Variants in CLASP2 observed in about 807,000 individuals in gnomAD.
The protein encoded by CLASP2 is cytoplasmic linker associated protein 2.
In CLASP2, 47 loss-of-function variants were observed where a neutral mutation model predicts 194.4. The ratio of observed to expected loss-of-function variants is 0.24; its 90% CI spans 0.19 to 0.31. CLASP2 has a LOEUF of 0.31. CLASP2 is among the 10% of genes least tolerant of loss of function. CLASP2 has a pLI of 1.00. For synonymous variants in CLASP2, 619 were observed against 633.5 expected (o/e 0.98, Z 0.34); for missense variants, 1,445 against 1,823.6 (o/e 0.79, Z 3.78).
rs1426395168 is a variant in CLASP2 at position 33,609,008 on chromosome 3, T to C, written c.1389-382A>G. On this transcript the variant is annotated intron_variant, in intron 13 of 38. Coordinates refer to ENST00000682230, the MANE Select transcript of CLASP2 (RefSeq NM_001365631.1). ...AAATATAAACCTTAAGGCTGGGCGT[T>C]GTGGTTCATGCCTGTAATCTCAGCA... Among the ~76,000 whole-genome samples, 3 of 152,118 alleles carry C rather than the reference T, an allele frequency of 2.0e-5. No individual in the cohort carries two copies. The East Asian group carries it at 5.8e-4, about 29-fold the overall frequency.
chr3:33,503,285 T>G (rs1291960667), intron 37 of CLASP2: 1 of 152,162 alleles, frequency 6.6e-6, no homozygotes, highest in Non-Finnish European at 1.5e-5. Flanking sequence ...TTGGGTTGTT[T>G]TCACCTTTTG....
At chr3:33,585,007 T>C in intron 21 of CLASP2, 87 bp from the exon 22 acceptor site, 1 of 1,197,874 alleles carries the variant, frequency 8.3e-7, no homozygotes, top group Non-Finnish European at 1.2e-6. Context: ...ATATTGATAA[T>C]ACAGAGAAAA....
intron 16 of CLASP2, among the ~76,000 whole-genome samples, chr3:33,604,628 C>T (rs530301925): frequency 7.9e-5 from 12 of 152,218 alleles, no homozygotes; most frequent in African/African-American, 2.9e-4. Flanking sequence ...GCTGGTACTT[C>T]CAATTTGAAT....
chr3:33,593,971 A>G (rs1353432190), intron 20 of CLASP2, among the ~76,000 whole-genome samples: 1 of 152,112 alleles, frequency 6.6e-6, no homozygotes, highest in Non-Finnish European at 1.5e-5. Flanking sequence ...AGCCTCCAGA[A>G]TAGGTGGGAC....
chr3:33,668,265 G>A (rs967949737), intron 6 of CLASP2, among the ~76,000 whole-genome samples: 1 of 152,138 alleles, frequency 6.6e-6, no homozygotes, highest in Non-Finnish European at 1.5e-5. Context: ...ATGTCTTTAT[G>A]AACCATACTT....
At chr3:33,650,349 A>G (rs910680004) in intron 7 of CLASP2, among the ~76,000 whole-genome samples, 9 of 152,262 alleles carry the variant, frequency 5.9e-5, no homozygotes, top group African/African-American at 1.7e-4. Context: ...AAACAAAAGA[A>G]GAATTAAACA....
intron 6 of CLASP2, among the ~76,000 whole-genome samples, chr3:33,683,931 CAAAAAAAAAA>C (rs35349805): frequency 3.8e-5 from 3 of 78,890 alleles, no homozygotes; most frequent in African/African-American, 1.5e-4. Context: ...GACTCTGTCT[CAAAAAAAAAA>C]AAAAAAAAAA....
chr3:33,507,602 C>T (rs2048627564), intron 37 of CLASP2, among the ~76,000 whole-genome samples: 2 of 151,990 alleles, frequency 1.3e-5, no homozygotes, highest in Non-Finnish European at 2.9e-5. Flanking sequence ...CCACTTCAGC[C>T]CCCCAAGTAG....
intron 29 of CLASP2, 170 bp downstream of exon 29, chr3:33,559,137 A>G (rs978731813): frequency 1.2e-5 from 8 of 695,238 alleles, no homozygotes; most frequent in Admixed American, 1.0e-4. Flanking sequence ...TGGAGCTCCA[A>G]AAAGAGTGAA....
At chr3:33,603,899 C>T (rs747797633) in intron 17 of CLASP2, among the ~76,000 whole-genome samples, 16 of 152,090 alleles carry the variant, frequency 1.1e-4, no homozygotes, top group Non-Finnish European at 1.5e-4. Context: ...CAACTGAGTG[C>T]GTCATGAGAA....
Position 33,538,773 on chromosome 3 carries a change from A to G in CLASP2, c.3558+16T>C. On this transcript the variant is annotated intron_variant, in intron 33 of 38. Transcript: ENST00000682230. The stretch of plus-strand genomic sequence containing the variant: ...CAATAAAATAGTCTGGAAAGTAAGG[A>G]TATTAAAATACTTACTGAATCGCCA... 6.5e-7 allele frequency: 1 copy of G among 1,539,250 alleles called. No individual in the cohort carries two copies. The highest frequency in any genetic ancestry group is 8.7e-7 in the Non-Finnish European group (1 of 1,144,272).
intron 5 of CLASP2, among the ~76,000 whole-genome samples, chr3:33,685,392 A>G (rs1206621622): frequency 6.7e-6 from 1 of 150,048 alleles, no homozygotes; most frequent in Non-Finnish European, 1.5e-5. Flanking sequence ...AAGATTATGT[A>G]AACAACTGCC....
At chr3:33,689,798 G>C (rs772514497) in intron 3 of CLASP2, 31 bp downstream of exon 3, 3 of 1,461,268 alleles carry the variant, frequency 2.1e-6, no homozygotes, top group Middle Eastern at 1.8e-4. Flanking sequence ...ATTACCATTA[G>C]CAAAATCTGA....
At chr3:33,604,319 T>TC in intron 16 of CLASP2, 110 bp from the exon 17 acceptor site, 2 of 758,860 alleles carry the variant, frequency 2.6e-6, no homozygotes, top group Non-Finnish European at 4.3e-6. Context: ...ATTTCTTTTT[T>TC]CTTTTTTTTT....
At position 33,718,171 on chromosome 3, in the gene CLASP2, G is replaced by A. The variant is rs1287931334; in HGVS notation, c.-169C>T. ...CGGGAGGAACGCCAAGCGCCCAGCC[G>A]CCCCCAAACTAGTCAAACTCGGCGC... On this transcript the variant is annotated 5_prime_UTR_variant, in exon 1 of 39. Transcript: ENST00000682230. The A allele has an allele frequency of 1.7e-5, 9 of 536,472 alleles. No homozygotes were observed. Among genetic ancestry groups the A allele is most frequent in the Non-Finnish European group, 2.7e-5 (9 of 330,960 alleles). The allele number at this position is 536,472 out of a possible 1,614,324, so 33.2% of individuals were successfully genotyped here.
chr3:33,681,478 T>C (rs1471438681), intron 6 of CLASP2, among the ~76,000 whole-genome samples: 1 of 152,052 alleles, frequency 6.6e-6, no homozygotes, highest in Non-Finnish European at 1.5e-5. Flanking sequence ...CCACCAAATA[T>C]CTGTTGAAAT....
chr3:33,588,730 T>A (rs1560179184), intron 21 of CLASP2: 1 of 702,336 alleles, frequency 1.4e-6, no homozygotes, highest in African/African-American at 1.7e-5. Context: ...CAGATTGTGA[T>A]CCTGAACAAG....
intron 29 of CLASP2, chr3:33,558,482 A>G (rs891800054): frequency 6.6e-6 from 1 of 152,074 alleles, no homozygotes; most frequent in African/African-American, 2.4e-5. Flanking sequence ...TATTTCCCTG[A>G]CTTTAATCTC....
At chr3:33,674,794 G>T (rs2088176712) in intron 6 of CLASP2, among the ~76,000 whole-genome samples, 1 of 152,098 alleles carries the variant, frequency 6.6e-6, no homozygotes, top group Admixed American at 6.6e-5. Context: ...TACCATCAGA[G>T]CATACTACAA....
Sources: gnomAD v4.1 joint callset for allele counts (sites outside exome capture counted in the v4.1 genomes callset) on GRCh38, gnomAD v4.1.1 for gene constraint, MANE v1.5 for transcripts, NCBI Gene and HGNC (gene_info 2026-07-23, HGNC 2026-07-21) for gene names.